The following EPHA3 variants were observed in gnomAD, a reference collection of about 807,000 sequenced individuals.
The protein encoded by EPHA3 is ephrin type-A receptor 3.
In EPHA3, 42 loss-of-function variants were observed where a neutral mutation model predicts 107.1. The ratio of observed to expected loss-of-function variants is 0.39; its 90% confidence interval spans 0.31 to 0.51. The LOEUF (loss-of-function observed/expected upper bound fraction) is 0.51, where lower values mean the gene tolerates loss of function less well. Ranked by LOEUF, EPHA3 falls within the 20% of genes least tolerant of loss-of-function variation. The pLI is 0.78. For synonymous variants in EPHA3, 461 were observed against 424.8 expected, an observed-to-expected ratio of 1.09 and a Z score of -1.05; for missense variants, 1,183 against 1,211.2, an observed-to-expected ratio of 0.98 and a Z score of 0.35.
intron 3 of EPHA3, among the ~76,000 whole-genome samples, chr3:89,271,907 C>A (rs796649771): frequency 2.2e-4 from 33 of 151,978 alleles, no homozygotes; most frequent in African/African-American, 7.7e-4. Context: ...TAAGACCAAC[C>A]CTTCCCCTTC....
intron 5 of EPHA3, among the ~76,000 whole-genome samples, chr3:89,359,369 A>C (rs1239786821): frequency 1.3e-5 from 2 of 150,902 alleles, no homozygotes; most frequent in East Asian, 3.9e-4. Context: ...TCTCTGTATG[A>C]AAAGTAAAAA....
chr3:89,450,696 C>T (rs990689811), intron 15 of EPHA3, among the ~76,000 whole-genome samples: 1 of 151,976 alleles, frequency 6.6e-6, no homozygotes, highest in African/African-American at 2.4e-5. Context: ...CACTTGAGGT[C>T]AGGAGTTCGA....
intron 3 of EPHA3, among the ~76,000 whole-genome samples, chr3:89,308,084 C>A (rs147885665): frequency 1.3e-5 from 2 of 151,898 alleles, no homozygotes; most frequent in East Asian, 1.9e-4. Flanking sequence ...ATGTTCTTTG[C>A]CAATTAAGCA....
At chr3:89,358,008 A>T (rs2107453543) in intron 5 of EPHA3, among the ~76,000 whole-genome samples, 1 of 151,372 alleles carries the variant, frequency 6.6e-6, no homozygotes, top group African/African-American at 2.4e-5. Context: ...AACTATTCAT[A>T]TGTGTATGTG....
At chr3:89,382,640 G>T (rs1420021098) in intron 5 of EPHA3, among the ~76,000 whole-genome samples, 1 of 152,130 alleles carries the variant, frequency 6.6e-6, no homozygotes, top group African/African-American at 2.4e-5. Flanking sequence ...CATGAGAAAG[G>T]CAAGACAGGG....
intron 5 of EPHA3, among the ~76,000 whole-genome samples, chr3:89,393,498 T>C (rs971851163): frequency 6.6e-6 from 1 of 152,202 alleles, no homozygotes; most frequent in African/African-American, 2.4e-5. Flanking sequence ...TTTCAAAACT[T>C]CTTTGAAAAT....
At chr3:89,361,288 G>A (rs1029785640) in intron 5 of EPHA3, among the ~76,000 whole-genome samples, 1 of 151,036 alleles carries the variant, frequency 6.6e-6, no homozygotes, top group East Asian at 1.9e-4. Flanking sequence ...TTTTTAAAGG[G>A]TGTCATGTGT....
At chr3:89,168,096 A>G (rs576494884) in intron 2 of EPHA3, among the ~76,000 whole-genome samples, 13 of 152,330 alleles carry the variant, frequency 8.5e-5, no homozygotes, top group African/African-American at 3.1e-4. Flanking sequence ...TGCAATTAAC[A>G]CAGATCACAG....
intron 3 of EPHA3, among the ~76,000 whole-genome samples, chr3:89,226,092 G>A (rs1241459553): frequency 6.6e-6 from 1 of 152,068 alleles, no homozygotes. Context: ...TTCCTCCATG[G>A]AAAACAAAGA....
chr3:89,303,445 C>CAAAAA (rs67736700), intron 3 of EPHA3, among the ~76,000 whole-genome samples: 1 of 114,606 alleles, frequency 8.7e-6, no homozygotes, highest in African/African-American at 3.0e-5. Flanking sequence ...TATAAAAAGG[C>CAAAAA]AAAAAAAAAA....
chr3:89,387,449 C>T (rs1708643941), intron 5 of EPHA3, among the ~76,000 whole-genome samples: 1 of 152,144 alleles, frequency 6.6e-6, no homozygotes, highest in East Asian at 1.9e-4. Context: ...TTGTAAGTTT[C>T]TTGAGGCCTC....
At chr3:89,220,681 C>G (rs1440181829) in intron 3 of EPHA3, among the ~76,000 whole-genome samples, 1 of 152,104 alleles carries the variant, frequency 6.6e-6, no homozygotes, top group African/African-American at 2.4e-5. Flanking sequence ...GACGTGCTGA[C>G]ATGAAATCAA....
rs780470195 is a variant in EPHA3 at position 89,479,471 on chromosome 3, C to G, written c.2921C>G (p.Thr974Arg). The change falls in exon 17 of 17, where the codon ACG becomes AGG. Residue 974 changes from threonine (T) to arginine (R), a missense_variant. Coordinates refer to ENST00000336596, the MANE Select transcript of EPHA3 (RefSeq NM_005233.6). ...ATCAGTAGCATTAAAGCTCTAGAAA[C>G]GCAATCAAAGAATGGCCCAGTTCCC... Reference protein sequence around the residue: ...KIISSIKALETQSKNGPVPV With the variant: ...KIISSIKALERQSKNGPVPV 1 of 1,613,974 alleles carries G rather than the reference C, an allele frequency of 6.2e-7. No homozygotes were observed. Among genetic ancestry groups the G allele is most frequent in the East Asian group, 2.2e-5 (1 of 44,872 alleles).
At chr3:89,339,151 T>A (rs1162475861) in intron 3 of EPHA3, among the ~76,000 whole-genome samples, 1 of 151,896 alleles carries the variant, frequency 6.6e-6, no homozygotes, top group East Asian at 1.9e-4. Flanking sequence ...GGCGGGCGGA[T>A]CACAAGGTCA....
At chr3:89,135,764 A>C (rs1351529588) in intron 2 of EPHA3, among the ~76,000 whole-genome samples, 1 of 151,342 alleles carries the variant, frequency 6.6e-6, no homozygotes, top group Non-Finnish European at 1.5e-5. Flanking sequence ...GTTTAACTGA[A>C]AAAAAAAACT....
intron 15 of EPHA3, among the ~76,000 whole-genome samples, chr3:89,456,120 C>T (rs961029552): frequency 1.4e-4 from 22 of 152,154 alleles, no homozygotes; most frequent in African/African-American, 5.3e-4. Flanking sequence ...TTTTTCTGCT[C>T]TCTGAACAGA....
intron 2 of EPHA3, among the ~76,000 whole-genome samples, chr3:89,144,212 C>T (rs1704489080): frequency 6.6e-6 from 1 of 151,624 alleles, no homozygotes. Context: ...CCCTAAATAT[C>T]CCTTATGCTC....
intron 3 of EPHA3, among the ~76,000 whole-genome samples, chr3:89,255,403 G>A (rs937629216): frequency 6.6e-6 from 1 of 152,214 alleles, no homozygotes; most frequent in African/African-American, 2.4e-5. Flanking sequence ...CTATGGCCTA[G>A]CAGGCCAAAT....
chr3:89,391,686 G>T (rs1708745858), intron 5 of EPHA3, among the ~76,000 whole-genome samples: 1 of 151,626 alleles, frequency 6.6e-6, no homozygotes, highest in Non-Finnish European at 1.5e-5. Flanking sequence ...GCCCGCCTCG[G>T]CCTCCCAAAG....
Sources: gnomAD v4.1 joint callset for allele counts (sites outside exome capture counted in the v4.1 genomes callset) on GRCh38, gnomAD v4.1.1 for gene constraint, MANE v1.5 for transcripts, NCBI Gene and HGNC (gene_info 2026-07-23, HGNC 2026-07-21) for gene names.